Variants in CFTR observed in about 807,000 individuals in gnomAD.
The protein encoded by CFTR is cystic fibrosis transmembrane conductance regulator.
CFTR carries 181 observed loss-of-function variants against 171.6 expected under a neutral mutation model. That is an observed-to-expected ratio of 1.05 (90% CI 0.93 to 1.19). CFTR has a LOEUF of 1.19. CFTR is among the 50% of genes most tolerant of loss of function. CFTR has a pLI of 0.00. For synonymous variants in CFTR, 583 were observed against 608.0 expected, an observed-to-expected ratio of 0.96 and a Z score of 0.60; for missense variants, 1,968 against 1,734.7, an observed-to-expected ratio of 1.13 and a Z score of -2.39.
At chr7:117,638,175 C>T (rs1417726514) in intron 22 of CFTR, among the ~76,000 whole-genome samples, 2 of 152,088 alleles carry the variant, frequency 1.3e-5, no homozygotes, top group Non-Finnish European at 2.9e-5. Flanking sequence ...TGCCTGTCTC[C>T]CATTTTGGGG....
At chr7:117,602,747 A>G in intron 15 of CFTR, 79 bp from the exon 16 acceptor site, 2 of 1,094,610 alleles carry the variant, frequency 1.8e-6, no homozygotes, top group Non-Finnish European at 1.4e-6. Flanking sequence ...AAATGGTGTG[A>G]TGTGAATTTA....
chr7:117,614,672 T>C lies in CFTR; in HGVS notation c.3427T>C (p.Leu1143=), dbSNP rs768276513. 1.9e-6 allele frequency: 3 copies of C among 1,612,560 alleles called. No individual in the cohort carries two copies. Among genetic ancestry groups the C allele is most frequent in the Non-Finnish European group, 2.5e-6 (3 of 1,178,818 alleles). The change falls in exon 21 of 27, where the codon TTG becomes CTG. Residue 1143 remains leucine, a synonymous_variant. Transcript: ENST00000003084. ...TTTAGCCATGAATATCATGAGTACATTGCAGTGGGCTGTAAACTCCAGCAT... is the reference window on the plus strand; with the variant it reads ...TTTAGCCATGAATATCATGAGTACACTGCAGTGGGCTGTAAACTCCAGCAT... The part of the protein sequence containing the change: ...LTLAMNIMST[L]QWAVNSSIDV...
chr7:117,666,113 C>CT, intron 26 of CFTR, among the ~76,000 whole-genome samples: 1 of 152,236 alleles, frequency 6.6e-6, no homozygotes, highest in East Asian at 1.9e-4. Flanking sequence ...AATCCCAATA[C>CT]TTTGGGAGGC....
At chr7:117,582,202 C>T (rs150317615) in intron 11 of CFTR, among the ~76,000 whole-genome samples, 1 of 152,096 alleles carries the variant, frequency 6.6e-6, no homozygotes, top group Non-Finnish European at 1.5e-5. Context: ...TTATTTGACC[C>T]AGGTTTTTGT....
At chr7:117,662,843 C>T (rs1384108410) in intron 24 of CFTR, among the ~76,000 whole-genome samples, 2 of 152,070 alleles carry the variant, frequency 1.3e-5, no homozygotes, top group Non-Finnish European at 2.9e-5. Flanking sequence ...AAATTATTAA[C>T]TTATAGGTGG....
intron 23 of CFTR, among the ~76,000 whole-genome samples, chr7:117,648,339 G>GT (rs1793029622): frequency 6.6e-6 from 1 of 151,974 alleles, no homozygotes; most frequent in Admixed American, 6.6e-5. Flanking sequence ...CATAATGCCT[G>GT]TTGCAGTGAA....
intron 10 of CFTR, among the ~76,000 whole-genome samples, chr7:117,558,247 A>ATACT (rs1799393428): frequency 2.0e-5 from 3 of 152,068 alleles, no homozygotes; most frequent in African/African-American, 7.2e-5. Context: ...TCCAGTGGCT[A>ATACT]TACTTAATAC....
At chr7:117,651,548 T>C (rs1584842135) in intron 23 of CFTR, among the ~76,000 whole-genome samples, 1 of 152,208 alleles carries the variant, frequency 6.6e-6, no homozygotes, top group Admixed American at 6.5e-5. Flanking sequence ...ACATATCTTA[T>C]GATCCTATGA....
At chr7:117,627,122 G>A (rs1010919016) in intron 21 of CFTR, among the ~76,000 whole-genome samples, 4 of 152,050 alleles carry the variant, frequency 2.6e-5, no homozygotes, top group African/African-American at 4.8e-5. Flanking sequence ...AAGGTAGTTC[G>A]AGAGAAAGAG....
intron 24 of CFTR, among the ~76,000 whole-genome samples, chr7:117,656,663 A>G (rs967684797): frequency 3.3e-5 from 5 of 152,330 alleles, no homozygotes; most frequent in African/African-American, 1.2e-4. Context: ...GCATTATATT[A>G]AAGAAAAGGG....
At chr7:117,642,327 G>T (rs542526637) in intron 22 of CFTR, 111 bp from the exon 23 acceptor site, 5 of 1,081,010 alleles carry the variant, frequency 4.6e-6, no homozygotes, top group African/African-American at 1.6e-5. Context: ...ATCTTCCACT[G>T]GTGACAGGAT....
intron 1 of CFTR, among the ~76,000 whole-genome samples, chr7:117,481,913 G>A: frequency 6.6e-6 from 1 of 152,212 alleles, no homozygotes; most frequent in Non-Finnish European, 1.5e-5. Flanking sequence ...CCTGAGGCAG[G>A]TCCCTTAACA....
chr7:117,612,043 A>ATATATATATATATATATG (rs1792412030), intron 20 of CFTR, among the ~76,000 whole-genome samples: 6 of 72,246 alleles, frequency 8.3e-5, no homozygotes, highest in Non-Finnish European at 1.7e-4. Context: ...ATATATATAT[A>ATATATATATATATATATG]TATATATATA....
chr7:117,668,605 A>G lies in CFTR; in HGVS notation c.*1497A>G, dbSNP rs1238482044. Reference sequence around the variant, plus strand: ...CCAAACTGACTCTTAAGAAGACTGCATTATATTTATTACTGTAAGAAAATA... The same window carrying G: ...CCAAACTGACTCTTAAGAAGACTGCGTTATATTTATTACTGTAAGAAAATA... On this transcript the variant is annotated 3_prime_UTR_variant, in exon 27 of 27. Coordinates refer to ENST00000003084, the MANE Select transcript of CFTR (RefSeq NM_000492.4). 1 of 152,662 alleles carries G rather than the reference A, an allele frequency of 6.6e-6. No homozygotes were observed. The highest frequency in any genetic ancestry group is 1.5e-5 in the Non-Finnish European group (1 of 68,036). The allele number at this position is 152,662 out of a possible 1,614,324, so 9.5% of individuals were successfully genotyped here.
intron 1 of CFTR, among the ~76,000 whole-genome samples, chr7:117,498,493 A>T (rs948455424): frequency 2.6e-5 from 4 of 152,200 alleles, no homozygotes; most frequent in African/African-American, 9.6e-5. Context: ...TACAAGTTTT[A>T]CACAGGACTT....
chr7:117,600,977 C>G (rs2106155), intron 15 of CFTR, among the ~76,000 whole-genome samples: 1 of 151,640 alleles, frequency 6.6e-6, no homozygotes, highest in Admixed American at 6.6e-5. Context: ...ATGTGGAAAC[C>G]GTGAGGAAAT....
intron 25 of CFTR, 123 bp from the exon 26 acceptor site, chr7:117,665,336 G>T (rs920074764): frequency 5.9e-6 from 4 of 680,112 alleles, no homozygotes; most frequent in Admixed American, 2.6e-5. Flanking sequence ...TCAACATTAT[G>T]TGAAAAGAAC....
intron 3 of CFTR, among the ~76,000 whole-genome samples, 193 bp from the exon 4 acceptor site, chr7:117,530,706 A>G (rs751581164): frequency 6.6e-6 from 1 of 152,170 alleles, no homozygotes; most frequent in Non-Finnish European, 1.5e-5. Flanking sequence ...CACTGTTGCT[A>G]TAACAAATCC....
chr7:117,606,249 T>C (rs1374437478), intron 17 of CFTR, among the ~76,000 whole-genome samples: 1 of 151,786 alleles, frequency 6.6e-6, no homozygotes, highest in Non-Finnish European at 1.5e-5. Flanking sequence ...GTCAAAAAGG[T>C]ATGGAAGTCA....
Sources: gnomAD v4.1 joint callset for allele counts (sites outside exome capture counted in the v4.1 genomes callset) on GRCh38, gnomAD v4.1.1 for gene constraint, MANE v1.5 for transcripts, NCBI Gene and HGNC (gene_info 2026-07-23, HGNC 2026-07-21) for gene names.